PCDH15: variants seen among roughly 807,000 people sequenced by gnomAD.
PCDH15 encodes protocadherin related 15, also known as protocadherin-15.
Under a neutral mutation model 178.5 loss-of-function variants are expected in PCDH15, and 129 were observed. That is an observed-to-expected ratio of 0.72 (90% CI 0.63 to 0.84). PCDH15 has a LOEUF of 0.84. PCDH15 is among the 40% of genes least tolerant of loss of function. The pLI is 0.00. For missense variants in PCDH15, 2,230 were observed against 2,099.9 expected, an observed-to-expected ratio of 1.06 and a Z score of -1.21; for synonymous variants, 800 against 732.0, an observed-to-expected ratio of 1.09 and a Z score of -1.50.
intron 2 of PCDH15, among the ~76,000 whole-genome samples, chr10:55,511,094 A>G (rs1441390752): frequency 6.6e-6 from 1 of 151,422 alleles, no homozygotes; most frequent in Non-Finnish European, 1.5e-5. Flanking sequence ...GGTGGTCTCA[A>G]ACTCCTGAGC....
At chr10:54,535,262 T>C (rs956193748) in intron 2 of PCDH15, among the ~76,000 whole-genome samples, 1 of 152,198 alleles carries the variant, frequency 6.6e-6, no homozygotes, top group African/African-American at 2.4e-5. Context: ...ATTGCTTTCA[T>C]CAATACAATT....
chr10:54,429,374 T>C (rs1956681730), intron 3 of PCDH15, among the ~76,000 whole-genome samples: 1 of 152,084 alleles, frequency 6.6e-6, no homozygotes, highest in Admixed American at 6.6e-5. Flanking sequence ...TAAATCCTAC[T>C]GCCAAGAATA....
chr10:55,362,824 C>A (rs897601848), intron 2 of PCDH15, among the ~76,000 whole-genome samples: 41 of 152,130 alleles, frequency 2.7e-4, no homozygotes, highest in African/African-American at 9.9e-4. Flanking sequence ...TCACTGAATT[C>A]TTCTTTATCT....
chr10:55,586,094 A>C (rs538475830), intron 2 of PCDH15, among the ~76,000 whole-genome samples: 1 of 152,138 alleles, frequency 6.6e-6, no homozygotes, highest in Non-Finnish European at 1.5e-5. Context: ...CTATTTTCTA[A>C]GTCTTGGGCA....
intron 1 of PCDH15, among the ~76,000 whole-genome samples, chr10:55,286,467 G>A (rs1001216818): frequency 6.7e-6 from 1 of 150,336 alleles, no homozygotes; most frequent in Non-Finnish European, 1.5e-5. Flanking sequence ...AACCTCATTA[G>A]GTTTGGTCAT....
chr10:55,074,342 G>C (rs975511067), intron 2 of PCDH15, among the ~76,000 whole-genome samples: 1 of 152,102 alleles, frequency 6.6e-6, no homozygotes, highest in African/African-American at 2.4e-5. Context: ...GTGTAAAAGT[G>C]TTCCTATTTC....
intron 2 of PCDH15, among the ~76,000 whole-genome samples, chr10:55,066,111 T>G (rs1277449412): frequency 6.6e-6 from 1 of 151,858 alleles, no homozygotes; most frequent in African/African-American, 2.4e-5. Flanking sequence ...ATCACAAAAA[T>G]TGTCAGCTTA....
In PCDH15 at chr10:54,664,286, C is replaced by T. The variant is rs2094536360; in HGVS notation, c.-24G>A. ...ATCTTCTGTCAAAGTTCACTCAAAG[C>T]TGATCTGAAATAAGAAAAGGTAGAA... On this transcript the variant is annotated 5_prime_UTR_variant, in exon 2 of 38. Transcript: ENST00000644397. 6.4e-7 allele frequency: 1 copy of T among 1,571,642 alleles called. No homozygotes were observed. Among genetic ancestry groups the T allele is most frequent in the Non-Finnish European group, 8.7e-7 (1 of 1,144,064 alleles).
At chr10:54,606,487 C>T (rs1334366621) in intron 2 of PCDH15, 2 of 152,044 alleles carry the variant, frequency 1.3e-5, no homozygotes, top group Non-Finnish European at 1.5e-5. Flanking sequence ...TCACATACTG[C>T]CCAAAGATGC....
intron 1 of PCDH15, among the ~76,000 whole-genome samples, chr10:55,231,151 T>A (rs567459276): frequency 1.3e-5 from 2 of 152,102 alleles, no homozygotes; most frequent in South Asian, 4.1e-4. Context: ...TTTTAGCACA[T>A]AAATGATGGT....
chr10:54,169,184 G>C (rs1233195521), intron 13 of PCDH15, among the ~76,000 whole-genome samples: 49 of 140,614 alleles, frequency 3.5e-4, no homozygotes, highest in Non-Finnish European at 6.5e-4. Context: ...GCCCAAGGCT[G>C]ACTGACTCCT....
chr10:54,061,776 TATG>T (rs2094019299), intron 18 of PCDH15, among the ~76,000 whole-genome samples: 1 of 151,398 alleles, frequency 6.6e-6, no homozygotes, highest in Non-Finnish European at 1.5e-5. Context: ...CAAGGTATAA[TATG>T]ATACCTTGTG....
chr10:53,991,439 T>C (rs1361599251), intron 21 of PCDH15, among the ~76,000 whole-genome samples: 1 of 151,856 alleles, frequency 6.6e-6, no homozygotes, highest in Non-Finnish European at 1.5e-5. Flanking sequence ...AGCTAAAGGA[T>C]TGTAAATGCA....
intron 2 of PCDH15, among the ~76,000 whole-genome samples, chr10:54,958,376 A>C (rs2131881443): frequency 6.6e-6 from 1 of 152,000 alleles, no homozygotes; most frequent in African/African-American, 2.4e-5. Flanking sequence ...AACAAACACA[A>C]GCAAACATAA....
intron 3 of PCDH15, among the ~76,000 whole-genome samples, chr10:54,429,807 T>C (rs1004735575): frequency 6.6e-6 from 1 of 152,054 alleles, no homozygotes; most frequent in Non-Finnish European, 1.5e-5. Context: ...AATATATGTG[T>C]ACCCAATACT....
intron 2 of PCDH15, among the ~76,000 whole-genome samples, chr10:54,923,144 AC>A (rs1367662180): frequency 7.2e-6 from 1 of 138,142 alleles, no homozygotes; most frequent in Non-Finnish European, 1.7e-5. Context: ...TGAGGATTGT[AC>A]CCTCTGAAGC....
At chr10:54,114,043 T>G (rs1346413215) in intron 15 of PCDH15, among the ~76,000 whole-genome samples, 2 of 152,170 alleles carry the variant, frequency 1.3e-5, no homozygotes, top group African/African-American at 4.8e-5. Flanking sequence ...ATGATTCCAT[T>G]ACCTGCCACC....
intron 2 of PCDH15, among the ~76,000 whole-genome samples, chr10:54,593,392 G>T (rs144830253): frequency 2.2e-4 from 33 of 152,046 alleles, no homozygotes; most frequent in African/African-American, 7.5e-4. Context: ...TCTACATGTG[G>T]ATATCCAGTT....
At chr10:54,198,495 C>CT (rs1186240206) in intron 10 of PCDH15, among the ~76,000 whole-genome samples, 1,150 of 31,090 alleles carry the variant, frequency 0.037, 361 homozygotes, top group Non-Finnish European at 0.041. Context: ...TCTAATTATT[C>CT]TTTTTTTTTT....
Sources: allele counts gnomAD v4.1 joint callset (sites outside exome capture counted in the v4.1 genomes callset), GRCh38; gene constraint gnomAD v4.1.1; transcripts MANE v1.5; gene names NCBI Gene and HGNC (gene_info 2026-07-23, HGNC 2026-07-21).